SV2C: variants seen among roughly 807,000 people sequenced by gnomAD.
SV2C encodes the protein synaptic vesicle glycoprotein 2C.
SV2C carries 49 observed loss-of-function variants against 79.7 expected under a neutral mutation model. The ratio of observed to expected loss-of-function variants is 0.61; its 90% CI spans 0.49 to 0.78. SV2C has a LOEUF of 0.78. Among genes scored for constraint, SV2C ranks in the 30% least tolerant of loss-of-function variants. The probability of loss-of-function intolerance (pLI) is 0.00; values close to 1 mark genes in which losing one functional copy is unlikely to be tolerated. For missense variants in SV2C, 833 were observed against 912.9 expected (o/e 0.91, Z 1.13); for synonymous variants, 334 against 333.2 (o/e 1.00, Z -0.03).
In SV2C at chr5:76,187,389, A is replaced by G. The variant is rs1010130562; in HGVS notation, c.581-7530A>G. Among the ~76,000 whole-genome samples, 37 of 152,172 alleles carry G rather than the reference A, an allele frequency of 2.4e-4. 1 individual carries two copies. Among genetic ancestry groups the G allele is most frequent in the African/African-American group, 8.9e-4 (37 of 41,444 alleles). ...GTAACAAGTAGCACTATTGCTTGAC[A>G]TGGCATTATCTGCCCATGTTTGGTC... On this transcript the variant is annotated intron_variant, in intron 2 of 12. Coordinates refer to ENST00000502798, the MANE Select transcript of SV2C (RefSeq NM_014979.4).
chr5:75,922,804 T>C, the SV2C span, among the ~76,000 whole-genome samples: 1 of 152,078 alleles, frequency 6.6e-6, no homozygotes, highest in Non-Finnish European at 1.5e-5. Flanking sequence ...GATCCCAAAA[T>C]CATCACATGG....
intron 1 of SV2C, among the ~76,000 whole-genome samples, chr5:76,099,074 G>A (rs1747654516): frequency 6.6e-6 from 1 of 152,060 alleles, no homozygotes; most frequent in African/African-American, 2.4e-5. Context: ...CCTATGAGTT[G>A]CTATGTTGAT....
At chr5:76,341,030 A>G (rs1429398960) in intron 12 of SV2C, among the ~76,000 whole-genome samples, 1 of 149,330 alleles carries the variant, frequency 6.7e-6, no homozygotes, top group Non-Finnish European at 1.5e-5. Context: ...TCCCAGGTTC[A>G]AGCGATTCTC....
the SV2C span, among the ~76,000 whole-genome samples, chr5:75,968,422 C>G: frequency 6.6e-6 from 1 of 152,170 alleles, no homozygotes; most frequent in Admixed American, 6.5e-5. Context: ...AAGTTAAAAA[C>G]TTTGAAAAAA....
At chr5:76,236,559 A>G (rs1001804143) in intron 4 of SV2C, among the ~76,000 whole-genome samples, 23 of 116,838 alleles carry the variant, frequency 2.0e-4, no homozygotes, top group African/African-American at 9.2e-4. Context: ...GAGACCCTGT[A>G]TCAAAAAAAT....
chr5:76,041,703 G>A, the SV2C span, among the ~76,000 whole-genome samples: 1 of 152,078 alleles, frequency 6.6e-6, no homozygotes, highest in African/African-American at 2.4e-5. Context: ...TGGTGGTGAG[G>A]AACTAAATAC....
chr5:76,314,595 G>A (rs1369618314), intron 12 of SV2C, among the ~76,000 whole-genome samples: 4 of 152,126 alleles, frequency 2.6e-5, no homozygotes, highest in Non-Finnish European at 2.9e-5. Context: ...GCATGATGCT[G>A]GAAATTTTAA....
chr5:76,244,638 A>T (rs1289655482), intron 4 of SV2C, among the ~76,000 whole-genome samples: 1 of 152,250 alleles, frequency 6.6e-6, no homozygotes, highest in African/African-American at 2.4e-5. Context: ...TTCAATTCAG[A>T]TGCAAGTTTT....
downstream of SV2C, among the ~76,000 whole-genome samples, chr5:76,335,773 G>T (rs536694751): frequency 2.3e-4 from 35 of 152,202 alleles, no homozygotes; most frequent in Admixed American, 1.4e-3. Flanking sequence ...CAAGGCAGAA[G>T]AATTTTTCTT....
chr5:76,078,604 C>G, upstream of SV2C: 1 of 384,954 alleles, frequency 2.6e-6, no homozygotes, highest in South Asian at 2.4e-5. Flanking sequence ...GGGCATGCCC[C>G]TACCCCCTGG....
At chr5:76,295,440 A>C (rs938536547) in intron 8 of SV2C, among the ~76,000 whole-genome samples, 1 of 152,192 alleles carries the variant, frequency 6.6e-6, no homozygotes, top group African/African-American at 2.4e-5. Context: ...CTGGGGTTTA[A>C]GTTCCAACAC....
chr5:76,048,826 AT>A, the SV2C span, among the ~76,000 whole-genome samples: 3 of 109,098 alleles, frequency 2.7e-5, no homozygotes, highest in African/African-American at 1.2e-4. Context: ...AAAAAAAAAA[AT>A]TTTGGGGCTG....
the SV2C span, among the ~76,000 whole-genome samples, chr5:75,935,630 C>G: frequency 6.6e-6 from 1 of 152,150 alleles, no homozygotes; most frequent in Non-Finnish European, 1.5e-5. Flanking sequence ...AATGTACTGA[C>G]AAGAACTCTA....
chr5:75,967,137 C>T, the SV2C span, among the ~76,000 whole-genome samples: 1 of 152,046 alleles, frequency 6.6e-6, no homozygotes, highest in Non-Finnish European at 1.5e-5. Context: ...AGTTTGAGAC[C>T]AGCCTGAGCA....
chr5:76,148,145 C>T (rs1291059264), intron 2 of SV2C, among the ~76,000 whole-genome samples: 1 of 152,106 alleles, frequency 6.6e-6, no homozygotes, highest in Non-Finnish European at 1.5e-5. Flanking sequence ...GTCCAGAAAC[C>T]AAGTTCAAGG....
chr5:75,993,663 G>A, the SV2C span, among the ~76,000 whole-genome samples: 2 of 152,026 alleles, frequency 1.3e-5, no homozygotes, highest in African/African-American at 4.8e-5. Context: ...GGAATTTCTG[G>A]CCCTGGGTTA....
chr5:76,020,192 A>C, the SV2C span, among the ~76,000 whole-genome samples: 1 of 152,152 alleles, frequency 6.6e-6, no homozygotes, highest in African/African-American at 2.4e-5. Context: ...GGAAGAAGCT[A>C]GATATGGAAG....
the SV2C span, among the ~76,000 whole-genome samples, chr5:75,993,225 C>T: frequency 2.6e-5 from 4 of 151,718 alleles, no homozygotes; most frequent in South Asian, 8.3e-4. Context: ...CATTTATAAC[C>T]AAAAGTAAGA....
chr5:76,305,221 T>C (rs1748143989), intron 12 of SV2C, among the ~76,000 whole-genome samples: 1 of 152,174 alleles, frequency 6.6e-6, no homozygotes, highest in African/African-American at 2.4e-5. Context: ...TCTCTGACAC[T>C]GGGGATTACA....
Sources: allele counts gnomAD v4.1 joint callset (sites outside exome capture counted in the v4.1 genomes callset), GRCh38; gene constraint gnomAD v4.1.1; transcripts MANE v1.5; gene names NCBI Gene and HGNC (gene_info 2026-07-23, HGNC 2026-07-21).